Variants in NEK1 observed in about 807,000 individuals in gnomAD.
NEK1 encodes the protein NIMA related kinase 1, also known as serine/threonine-protein kinase Nek1.
A neutral mutation model predicts 182.1 loss-of-function variants in NEK1; 137 were observed. The observed-to-expected ratio is 0.75, with a 90% confidence interval of 0.65 to 0.87. The LOEUF (loss-of-function observed/expected upper bound fraction) is 0.87, where lower values mean the gene tolerates loss of function less well. Ranked by LOEUF, NEK1 falls within the 40% of genes least tolerant of loss-of-function variation. The pLI, the probability that NEK1 is intolerant of heterozygous loss-of-function variation, is 0.00. For synonymous variants in NEK1, 513 were observed against 492.2 expected, an observed-to-expected ratio of 1.04 and a Z score of -0.56; for missense variants, 1,391 against 1,494.4, an observed-to-expected ratio of 0.93 and a Z score of 1.14.
chr4:169,444,483 C>A (rs2149444693), intron 27 of NEK1, among the ~76,000 whole-genome samples: 1 of 150,988 alleles, frequency 6.6e-6, no homozygotes, highest in Admixed American at 6.5e-5. Flanking sequence ...TCAGATAAGA[C>A]ATATTTTAAC....
At chr4:169,570,262 C>A (rs1427101233) in intron 12 of NEK1, among the ~76,000 whole-genome samples, 2 of 151,868 alleles carry the variant, frequency 1.3e-5, no homozygotes, top group South Asian at 2.1e-4. Context: ...CTGGCAACCG[C>A]CCCATCTGAG....
intron 20 of NEK1, 147 bp downstream of exon 20, chr4:169,508,622 G>C: frequency 1.8e-6 from 1 of 568,138 alleles, no homozygotes; most frequent in Non-Finnish European, 2.9e-6. Flanking sequence ...TTATAACACA[G>C]AATGTCAGTC....
intron 19 of NEK1, among the ~76,000 whole-genome samples, chr4:169,535,837 G>T (rs1172656512): frequency 6.9e-6 from 1 of 145,352 alleles, no homozygotes; most frequent in Non-Finnish European, 1.5e-5. Flanking sequence ...CCGAGACTGC[G>T]CCACTGCATT....
intron 23 of NEK1, among the ~76,000 whole-genome samples, chr4:169,488,446 C>G (rs1749451516): frequency 6.6e-6 from 1 of 152,128 alleles, no homozygotes; most frequent in Non-Finnish European, 1.5e-5. Flanking sequence ...TTCCCTATTG[C>G]TTGTTTTTGT....
At chr4:169,557,020 T>C (rs578242980) in intron 16 of NEK1, among the ~76,000 whole-genome samples, 2 of 152,132 alleles carry the variant, frequency 1.3e-5, no homozygotes, top group East Asian at 3.9e-4. Context: ...GGTGTTTGCG[T>C]TCAAATAATA....
chr4:169,452,812 A>G (rs1439804959), intron 27 of NEK1, among the ~76,000 whole-genome samples: 6 of 152,230 alleles, frequency 3.9e-5, no homozygotes, highest in African/African-American at 1.4e-4. Flanking sequence ...AGTTCTGGCC[A>G]GGGCAATGAG....
intron 29 of NEK1, among the ~76,000 whole-genome samples, chr4:169,431,156 GAGCCAATGC>G (rs1209021419): frequency 6.6e-6 from 1 of 152,102 alleles, no homozygotes; most frequent in Non-Finnish European, 1.5e-5. Flanking sequence ...ACAGAAGGAT[GAGCCAATGC>G]AGATTGGGAA....
intron 22 of NEK1, 150 bp downstream of exon 22, chr4:169,507,564 AT>A (rs1198019576): frequency 2.5e-5 from 12 of 487,350 alleles, no homozygotes; most frequent in Non-Finnish European, 4.3e-5. Flanking sequence ...GAAAAATACT[AT>A]TTTTAGAAAC....
At chr4:169,551,745 C>T (rs1283016038) in intron 18 of NEK1, among the ~76,000 whole-genome samples, 4 of 151,956 alleles carry the variant, frequency 2.6e-5, no homozygotes, top group African/African-American at 9.7e-5. Context: ...TCCTCCTATA[C>T]ACTCCAATTT....
intron 31 of NEK1, among the ~76,000 whole-genome samples, chr4:169,407,430 T>A (rs760918137): frequency 6.6e-6 from 1 of 152,004 alleles, no homozygotes; most frequent in Non-Finnish European, 1.5e-5. Context: ...GGACTGTGAG[T>A]GGAACCTTTC....
chr4:169,465,323 C>G (rs566246071), intron 26 of NEK1, among the ~76,000 whole-genome samples: 51 of 151,988 alleles, frequency 3.4e-4, no homozygotes, highest in Non-Finnish European at 6.2e-4. Context: ...TCCTGTCCCC[C>G]CCACCACTGG....
At position 169,535,409 on chromosome 4, in the gene NEK1, T is replaced by C. The variant is rs181630421; in HGVS notation, c.1665+2400A>G. Among the ~76,000 whole-genome samples the C allele has an allele frequency of 6.0e-5, 9 of 151,252 alleles. No homozygotes were observed. In the East Asian group the frequency reaches 1.2e-3, roughly 20 times the overall value. On this transcript the variant is annotated intron_variant, in intron 19 of 35. Coordinates refer to ENST00000507142, the MANE Select transcript of NEK1 (RefSeq NM_001199397.3). ...ATTAACAGACACAGCAGAAGATTAA[T>C]GCACTTGAAGACACAGCAATAGAAC... is the stretch of plus-strand genomic sequence containing the variant.
chr4:169,524,958 G>A (rs545590229), intron 19 of NEK1, among the ~76,000 whole-genome samples: 2 of 152,280 alleles, frequency 1.3e-5, no homozygotes, highest in Admixed American at 6.5e-5. Context: ...GCAAAGCCAC[G>A]AATGCTTACT....
At chr4:169,594,620 A>C (rs1378508462) in intron 5 of NEK1, among the ~76,000 whole-genome samples, 5 of 152,168 alleles carry the variant, frequency 3.3e-5, no homozygotes, top group African/African-American at 7.2e-5. Context: ...TCTACATTTT[A>C]CAATATTTTG....
chr4:169,523,261 C>G (rs1470698666), intron 19 of NEK1, among the ~76,000 whole-genome samples: 3 of 152,176 alleles, frequency 2.0e-5, no homozygotes, highest in Non-Finnish European at 2.9e-5. Context: ...CTGTGCCCCT[C>G]ATAAATTCAT....
chr4:169,611,179 T>C (rs1028218284), intron 2 of NEK1, among the ~76,000 whole-genome samples: 19 of 152,326 alleles, frequency 1.2e-4, no homozygotes, highest in South Asian at 2.1e-4. Flanking sequence ...TGGAATACAA[T>C]GTCAATGTAC....
Position 169,424,714 on chromosome 4 carries a change from A to C in NEK1, c.3061T>G (p.Ser1021Ala). Residue 1021 changes from serine to alanine, a missense_variant, in exon 31 of 36, where the codon TCT becomes GCT. By Grantham distance (99) the Ser-to-Ala change is moderately conservative. Around this residue, in one of 5 missense-constraint regions of NEK1, gnomAD observed 1,216 missense variants for 1,277.6 expected, o/e 0.95. Transcript: ENST00000507142. ...PEPFFHKVVH[S>A]EHLNLVPQVQ... is the part of the protein sequence containing the mutation. ...TGAGGGACTAAGTTCAAGTGTTCAGAATGAACCACCTTATGGAAAAATGGT... is the reference window on the plus strand; with the variant it reads ...TGAGGGACTAAGTTCAAGTGTTCAGCATGAACCACCTTATGGAAAAATGGT... 1 of 1,613,884 alleles carries C rather than the reference A, an allele frequency of 6.2e-7. No homozygotes were observed. The highest frequency in any genetic ancestry group is 8.5e-7 in the Non-Finnish European group (1 of 1,179,822).
chr4:169,479,921 T>C (rs1190993778), intron 23 of NEK1, among the ~76,000 whole-genome samples: 1 of 152,146 alleles, frequency 6.6e-6, no homozygotes, highest in Non-Finnish European at 1.5e-5. Flanking sequence ...AAAGTTCAAA[T>C]ATCAATTACT....
chr4:169,492,062 A>T (rs1048347928), intron 23 of NEK1, among the ~76,000 whole-genome samples: 3 of 152,222 alleles, frequency 2.0e-5, no homozygotes, highest in Non-Finnish European at 2.9e-5. Context: ...TCACAAGAGT[A>T]GACAATAAGA....
Sources: allele counts gnomAD v4.1 joint callset (sites outside exome capture counted in the v4.1 genomes callset), GRCh38; gene constraint gnomAD v4.1.1; regional missense constraint gnomAD v4.1.1; transcripts MANE v1.5; gene names NCBI Gene and HGNC (gene_info 2026-07-23, HGNC 2026-07-21).